ERO1A: variants seen among roughly 807,000 people sequenced by gnomAD.
ERO1A encodes endoplasmic reticulum oxidoreductase 1 alpha.
In ERO1A, 49 loss-of-function variants were observed where a neutral mutation model predicts 76.9. The observed-to-expected ratio is 0.64, with a 90% CI of 0.51 to 0.81. The LOEUF is 0.81. Ranked by LOEUF, ERO1A falls within the 30% of genes least tolerant of loss-of-function variation. ERO1A has a pLI of 0.00. For missense variants in ERO1A, 448 were observed against 542.1 expected, an observed-to-expected ratio of 0.83 and a Z score of 1.72; for synonymous variants, 174 against 181.2, an observed-to-expected ratio of 0.96 and a Z score of 0.32.
At chr14:52,683,710 T>C (rs1185511864) in intron 2 of ERO1A, 78 bp downstream of exon 2, 5 of 647,928 alleles carry the variant, frequency 7.7e-6, no homozygotes, top group African/African-American at 1.9e-5. Context: ...AACTACAATT[T>C]TGAAGCTCAG....
At chr14:52,647,749 C>A (rs1424252574) in intron 13 of ERO1A, among the ~76,000 whole-genome samples, 1 of 152,148 alleles carries the variant, frequency 6.6e-6, no homozygotes, top group Admixed American at 6.5e-5. Context: ...CCAAGAGACT[C>A]CTGTACTGGA....
chr14:52,684,491 G>C (rs1468338049), intron 1 of ERO1A, among the ~76,000 whole-genome samples: 2 of 152,084 alleles, frequency 1.3e-5, no homozygotes, highest in African/African-American at 4.8e-5. Context: ...GGTATCTGAG[G>C]GGTTTCCAGC....
chr14:52,658,323 A>G (rs922761882), intron 9 of ERO1A, 173 bp from the exon 10 acceptor site: 1 of 572,780 alleles, frequency 1.7e-6, no homozygotes, highest in African/African-American at 1.9e-5. Context: ...AAGGTTATGG[A>G]TTCAGTTAAG....
intron 4 of ERO1A, among the ~76,000 whole-genome samples, chr14:52,673,897 C>T (rs2040694033): frequency 6.6e-6 from 1 of 152,152 alleles, no homozygotes; most frequent in Non-Finnish European, 1.5e-5. Context: ...GCCACACACT[C>T]AGCTTATTAC....
chr14:52,683,541 A>G (rs2041070583), intron 2 of ERO1A, among the ~76,000 whole-genome samples: 1 of 152,242 alleles, frequency 6.6e-6, no homozygotes, highest in Non-Finnish European at 1.5e-5. Flanking sequence ...ATAACAATAT[A>G]TAATAATTTC....
chr14:52,660,552 TTAATA>T (rs1164060746), intron 9 of ERO1A, among the ~76,000 whole-genome samples: 2 of 152,226 alleles, frequency 1.3e-5, no homozygotes, highest in African/African-American at 4.8e-5. Context: ...GCTGCTACAG[TTAATA>T]TAATATAAAG....
chr14:52,664,742 AGTGCAGTG>A (rs201162550), intron 7 of ERO1A, among the ~76,000 whole-genome samples: 16,761 of 151,864 alleles, frequency 0.11, 1,033 homozygotes, highest in East Asian at 0.21. Flanking sequence ...CCCAGGCTGG[AGTGCAGTG>A]GTGCAATCTG....
At chr14:52,676,137 T>C (rs188239178) in intron 4 of ERO1A, among the ~76,000 whole-genome samples, 84 of 152,362 alleles carry the variant, frequency 5.5e-4, no homozygotes, top group African/African-American at 2.0e-3. Context: ...TTGTGCAAGT[T>C]ACATATCATG....
At position 52,646,440 on chromosome 14, in the gene ERO1A, T is replaced by TA. The variant is rs2039659011; in HGVS notation, c.1146dup (p.Arg383Ter). On this transcript the variant is annotated frameshift_variant, in exon 14 of 16. Coordinates refer to ENST00000395686, the MANE Select transcript of ERO1A (RefSeq NM_014584.3). LOFTEE classifies it high-confidence loss of function. ...CAATCCATAATTCTTGAAATATTTC[T>TA]AAAATGCAGTCGAAAGTCCTCCTGA... 1 of 1,611,880 alleles carries TA rather than the reference T, an allele frequency of 6.2e-7. No individual in the cohort carries two copies. Among genetic ancestry groups the TA allele is most frequent in the Admixed American group, 1.7e-5 (1 of 59,500 alleles).
intron 3 of ERO1A, 115 bp downstream of exon 3, chr14:52,682,210 A>G: frequency 6.7e-6 from 5 of 747,092 alleles, no homozygotes; most frequent in Non-Finnish European, 1.1e-5. Context: ...CCTGGGCAAC[A>G]TAGTGAAACC....
intron 15 of ERO1A, 40 bp downstream of exon 15, chr14:52,646,114 T>TA (rs2039644609): frequency 1.9e-6 from 3 of 1,579,524 alleles, no homozygotes; most frequent in African/African-American, 1.4e-5. Flanking sequence ...GCATTAGACT[T>TA]ACTTGGCTAC....
At chr14:52,694,932 C>A (rs1354872810) in intron 1 of ERO1A, among the ~76,000 whole-genome samples, 1 of 152,200 alleles carries the variant, frequency 6.6e-6, no homozygotes, top group African/African-American at 2.4e-5. Flanking sequence ...GATCAGCCCA[C>A]AAACGTCTTA....
chr14:52,646,653 A>C, intron 13 of ERO1A, 192 bp from the exon 14 acceptor site: 1 of 463,312 alleles, frequency 2.2e-6, no homozygotes, highest in Non-Finnish European at 3.8e-6. Context: ...TTCACCACAA[A>C]TCCAAAGGTA....
chr14:52,665,133 C>A (rs2040367226), intron 7 of ERO1A, among the ~76,000 whole-genome samples: 1 of 151,496 alleles, frequency 6.6e-6, no homozygotes, highest in African/African-American at 2.4e-5. Context: ...GAAACCCCGT[C>A]TCCACTAAAA....
At chr14:52,681,783 C>T (rs1402772486) in intron 3 of ERO1A, among the ~76,000 whole-genome samples, 2 of 150,054 alleles carry the variant, frequency 1.3e-5, no homozygotes, top group South Asian at 4.2e-4. Flanking sequence ...CCAGGAAATC[C>T]AAGGCAAAAA....
intron 13 of ERO1A, among the ~76,000 whole-genome samples, chr14:52,649,536 GGTGA>G (rs1303209353): frequency 9.9e-5 from 15 of 152,116 alleles, no homozygotes; most frequent in African/African-American, 3.4e-4. Context: ...GGACATTAAA[GGTGA>G]GTGTTTCCGA....
intron 13 of ERO1A, among the ~76,000 whole-genome samples, chr14:52,650,619 TC>T (rs778131765): frequency 6.6e-6 from 1 of 152,086 alleles, no homozygotes; most frequent in Non-Finnish European, 1.5e-5. Context: ...TAAAATCAGA[TC>T]AAACCCAGTA....
intron 1 of ERO1A, among the ~76,000 whole-genome samples, chr14:52,686,783 G>C (rs540683539): frequency 2.0e-5 from 3 of 152,134 alleles, no homozygotes; most frequent in Admixed American, 6.5e-5. Flanking sequence ...GCTGAGGCCG[G>C]AGAATCGCTT....
At chr14:52,670,993 A>T (rs901714123) in intron 6 of ERO1A, among the ~76,000 whole-genome samples, 1 of 152,226 alleles carries the variant, frequency 6.6e-6, no homozygotes, top group Non-Finnish European at 1.5e-5. Context: ...GTAACCTTTT[A>T]GCAATAACGC....
Sources: allele counts gnomAD v4.1 joint callset (sites outside exome capture counted in the v4.1 genomes callset), GRCh38; gene constraint gnomAD v4.1.1; transcripts MANE v1.5; gene names NCBI Gene and HGNC (gene_info 2026-07-23, HGNC 2026-07-21).